The following CNTN6 variants were observed in gnomAD, a reference collection of about 807,000 sequenced individuals.
The protein encoded by CNTN6 is contactin 6.
A neutral mutation model predicts 122.8 loss-of-function variants in CNTN6; 137 were observed. The observed-to-expected ratio is 1.12, with a 90% CI of 0.97 to 1.29. The LOEUF (loss-of-function observed/expected upper bound fraction) is 1.29. Ranked by LOEUF, CNTN6 falls within the 50% of genes most tolerant of loss-of-function variation. The probability of loss-of-function intolerance (pLI) is 0.00; values close to 1 mark genes in which losing one functional copy is unlikely to be tolerated. For synonymous variants in CNTN6, 570 were observed against 426.0 expected, an observed-to-expected ratio of 1.34 and a Z score of -4.16; for missense variants, 1,634 against 1,223.4, an observed-to-expected ratio of 1.34 and a Z score of -5.01.
intron 4 of CNTN6, among the ~76,000 whole-genome samples, chr3:1,269,439 A>T (rs1035911837): frequency 6.6e-6 from 1 of 152,168 alleles, no homozygotes; most frequent in South Asian, 2.1e-4. Flanking sequence ...TGGCATCTCA[A>T]TGTATCCTAT....
Position 1,403,491 on chromosome 3 carries a change from C to A in CNTN6, c.*73C>A. On this transcript the variant is annotated 3_prime_UTR_variant, in exon 23 of 23. Transcript: ENST00000446702. Reference sequence around the variant, plus strand: ...TGTATATATGCTCTCCAGCCTCTGACACAAGATGCGTTCTTAATACAGACT... The same window carrying A: ...TGTATATATGCTCTCCAGCCTCTGAAACAAGATGCGTTCTTAATACAGACT... 1.2e-6 allele frequency: 1 copy of A among 865,996 alleles called. No homozygotes were observed. The highest frequency in any genetic ancestry group is 1.9e-6 in the Non-Finnish European group (1 of 539,510). 53.6% of individuals were successfully genotyped at this position (865,996 alleles called of 1,614,324 possible).
chr3:1,105,147 T>C (rs1274127025), intron 1 of CNTN6, among the ~76,000 whole-genome samples: 2 of 152,098 alleles, frequency 1.3e-5, no homozygotes, highest in Non-Finnish European at 2.9e-5. Context: ...GGCAGGTGAG[T>C]GCTCTTTGTG....
At chr3:1,236,451 C>T (rs944375177) in intron 4 of CNTN6, among the ~76,000 whole-genome samples, 2 of 151,402 alleles carry the variant, frequency 1.3e-5, no homozygotes, top group African/African-American at 2.5e-5. Flanking sequence ...AGCCTGGTAG[C>T]TCCACTGGGT....
At chr3:1,265,338 G>A (rs1187719857) in intron 4 of CNTN6, among the ~76,000 whole-genome samples, 2 of 152,090 alleles carry the variant, frequency 1.3e-5, no homozygotes, top group Non-Finnish European at 2.9e-5. Flanking sequence ...TCAGTGTCCA[G>A]GTAATTCCAG....
intron 10 of CNTN6, among the ~76,000 whole-genome samples, chr3:1,329,030 A>G (rs868224369): frequency 3.3e-4 from 50 of 151,590 alleles, no homozygotes; most frequent in African/African-American, 1.2e-3. Flanking sequence ...CCACAATACA[A>G]TACCACTGAA....
intron 4 of CNTN6, among the ~76,000 whole-genome samples, chr3:1,261,881 G>A (rs1439067151): frequency 6.6e-6 from 1 of 152,114 alleles, no homozygotes; most frequent in Non-Finnish European, 1.5e-5. Context: ...TTCAGAGATA[G>A]CAGTTCCGGA....
intron 2 of CNTN6, among the ~76,000 whole-genome samples, chr3:1,198,859 T>C (rs1368428028): frequency 2.0e-5 from 3 of 152,170 alleles, no homozygotes; most frequent in Non-Finnish European, 4.4e-5. Flanking sequence ...TCTTCGCATA[T>C]GTAATTTGTT....
At chr3:1,125,070 A>T (rs1459725837) in intron 1 of CNTN6, among the ~76,000 whole-genome samples, 2 of 152,014 alleles carry the variant, frequency 1.3e-5, no homozygotes, top group Non-Finnish European at 1.5e-5. Context: ...ATTTTTCTGT[A>T]TCTGGAACAT....
chr3:1,363,055 T>C (rs1302269930), intron 12 of CNTN6, among the ~76,000 whole-genome samples: 1 of 151,820 alleles, frequency 6.6e-6, no homozygotes, highest in Non-Finnish European at 1.5e-5. Context: ...AAAATAAAGA[T>C]GCTTTCAAAC....
chr3:1,282,787 GA>G (rs1693695334), intron 5 of CNTN6, among the ~76,000 whole-genome samples: 3 of 152,170 alleles, frequency 2.0e-5, no homozygotes, highest in Middle Eastern at 3.4e-3. Context: ...CAATTCCCTC[GA>G]GTATCTATTA....
intron 3 of CNTN6, among the ~76,000 whole-genome samples, chr3:1,221,677 G>T (rs534963963): frequency 6.6e-6 from 1 of 152,212 alleles, no homozygotes; most frequent in South Asian, 2.1e-4. Context: ...TTCATATTGT[G>T]GGTGGAATTT....
At chr3:1,223,958 A>T (rs1209855310) in intron 3 of CNTN6, among the ~76,000 whole-genome samples, 1 of 152,220 alleles carries the variant, frequency 6.6e-6, no homozygotes, top group Admixed American at 6.5e-5. Flanking sequence ...TTGTGAAATG[A>T]CTTCTGGAGA....
chr3:1,330,746 T>G (rs1383391981), intron 11 of CNTN6, among the ~76,000 whole-genome samples: 1 of 151,896 alleles, frequency 6.6e-6, no homozygotes, highest in Admixed American at 6.6e-5. Flanking sequence ...CATACCAGGA[T>G]GGGCAGGTAA....
intron 12 of CNTN6, among the ~76,000 whole-genome samples, chr3:1,362,328 A>C (rs1229132025): frequency 6.6e-6 from 1 of 152,146 alleles, no homozygotes; most frequent in Non-Finnish European, 1.5e-5. Flanking sequence ...AACTCAGAGA[A>C]AAAAACAGAT....
intron 4 of CNTN6, among the ~76,000 whole-genome samples, chr3:1,240,249 A>G (rs1475663391): frequency 6.6e-6 from 1 of 152,202 alleles, no homozygotes; most frequent in East Asian, 1.9e-4. Context: ...ACAGAGTGGG[A>G]AAAGATCTTC....
rs1341821748 is a variant in CNTN6 at position 1,202,747 on chromosome 3, G to A, written c.56-17940G>A. On this transcript the variant is annotated intron_variant, in intron 2 of 22. Transcript: ENST00000446702. ...ATGTCAAGGGCTTTTCTCACACAGGGAATGAACCGGTTTTCCTGCTCATAA... is the reference window on the plus strand; with the variant it reads ...ATGTCAAGGGCTTTTCTCACACAGGAAATGAACCGGTTTTCCTGCTCATAA... Among the ~76,000 whole-genome samples the A allele has an allele frequency of 2.0e-5, 3 of 152,044 alleles. No homozygotes were observed. The South Asian group carries it at 6.2e-4, about 32-fold the overall frequency.
intron 1 of CNTN6, among the ~76,000 whole-genome samples, chr3:1,113,307 C>G (rs1172310593): frequency 6.6e-6 from 1 of 152,084 alleles, no homozygotes; most frequent in Non-Finnish European, 1.5e-5. Context: ...CTTCATCTTA[C>G]TAAAAAAGAT....
At chr3:1,305,166 A>G (rs1326702040) in intron 7 of CNTN6, among the ~76,000 whole-genome samples, 1 of 152,156 alleles carries the variant, frequency 6.6e-6, no homozygotes, top group East Asian at 1.9e-4. Flanking sequence ...CTGATTAGGT[A>G]GCACTCAGAA....
chr3:1,343,583 A>T (rs1005668969), intron 11 of CNTN6, among the ~76,000 whole-genome samples: 4 of 152,188 alleles, frequency 2.6e-5, no homozygotes, highest in African/African-American at 9.6e-5. Context: ...CTGAATATTT[A>T]ACAGCAAATG....
Sources: gnomAD v4.1 joint callset for allele counts (sites outside exome capture counted in the v4.1 genomes callset) on GRCh38, gnomAD v4.1.1 for gene constraint, MANE v1.5 for transcripts, NCBI Gene and HGNC (gene_info 2026-07-23, HGNC 2026-07-21) for gene names.